HAUS3: variants seen among roughly 807,000 people sequenced by gnomAD.
The protein encoded by HAUS3 is HAUS augmin-like complex subunit 3.
In HAUS3, 36 loss-of-function variants were observed where a neutral mutation model predicts 55.2. That is an observed-to-expected ratio of 0.65 (90% CI 0.50 to 0.86). The LOEUF (loss-of-function observed/expected upper bound fraction) is 0.86, where lower values mean the gene tolerates loss of function less well. HAUS3 is among the 40% of genes least tolerant of loss of function. The pLI is 0.00. For synonymous variants in HAUS3, 234 were observed against 238.6 expected (o/e 0.98, Z 0.18); for missense variants, 752 against 671.5 (o/e 1.12, Z -1.33).
chr4:2,229,213 A>G lies in HAUS3; in HGVS notation c.*2714T>C. ...GTATTACAGAGATCAAAGCCTACCA[A>G]TGCCTCATAATTTTCCATTTTCACA... On this transcript the variant is annotated 3_prime_UTR_variant, in exon 6 of 6. Coordinates refer to ENST00000443786, the MANE Select transcript of HAUS3 (RefSeq NM_001303143.2). 6.3e-7 allele frequency: 1 copy of G among 1,598,714 alleles called. No individual in the cohort carries two copies. Among genetic ancestry groups the G allele is most frequent in the Non-Finnish European group, 8.5e-7 (1 of 1,173,986 alleles).
chr4:2,236,606 C>T lies in HAUS3; in HGVS notation c.1350-150G>A. 4.8e-6 allele frequency: 3 copies of T among 624,128 alleles called. No homozygotes were observed. In the South Asian group the frequency reaches 6.0e-5, roughly 13 times the overall value. The allele number at this position is 624,128 out of a possible 1,614,324, so 38.7% of individuals were successfully genotyped here. On this transcript the variant is annotated intron_variant, in intron 4 of 5. Transcript: ENST00000443786. ...GGGTACAGTAGCTCACGCCTGTAATCCTAGCACTTTGGGAGGCCAAGGCGG... is the reference window on the plus strand; with the variant it reads ...GGGTACAGTAGCTCACGCCTGTAATTCTAGCACTTTGGGAGGCCAAGGCGG...
chr4:2,235,921 T>C (rs1198048774), intron 5 of HAUS3, among the ~76,000 whole-genome samples: 3 of 152,332 alleles, frequency 2.0e-5, no homozygotes, highest in African/African-American at 7.2e-5. Context: ...GGCAATCCTG[T>C]GTTTGCTAAG....
rs770377779 is a variant in HAUS3, at chr4:2,232,163, A to G, written c.1579-3T>C. The stretch of plus-strand genomic sequence containing the variant: ...TTATGAAACTGCTCTGTTAACTCCT[A>G]AAAAAGGAAAATAAAAATAAAAATT... On this transcript the variant is annotated splice_region_variant and splice_polypyrimidine_tract_variant and intron_variant, in intron 5 of 5. Coordinates refer to ENST00000443786, the MANE Select transcript of HAUS3 (RefSeq NM_001303143.2). 7.5e-7 allele frequency: 1 copy of G among 1,332,258 alleles called. No homozygotes were observed. The highest frequency in any genetic ancestry group is 2.5e-5 in the East Asian group (1 of 40,222). 82.5% of individuals were successfully genotyped at this position (1,332,258 alleles called of 1,614,324 possible).
Position 2,236,229 on chromosome 4 carries a change from T to G in HAUS3, c.1577A>C (p.Gln526Pro). ...QGGNQLLLSD[Q>P]ELTEQFHKVE... ...TTAACTACTATGGCAAATACCCACC[T>G]GATCACTAAGCAAAAGCTGATTTCC... The change falls in exon 5 of 6, where the codon CAG becomes CCG. Residue 526 changes from glutamine to proline, a missense_variant and splice_region_variant. Gln to Pro is a moderately conservative substitution (Grantham distance 76). Coordinates refer to ENST00000443786, the MANE Select transcript of HAUS3 (RefSeq NM_001303143.2). 6.3e-7 allele frequency: 1 copy of G among 1,590,960 alleles called. No individual in the cohort carries two copies. The highest frequency in any genetic ancestry group is 8.6e-7 in the Non-Finnish European group (1 of 1,160,406).
intron 2 of HAUS3, 91 bp downstream of exon 2, chr4:2,241,429 G>T: frequency 1.1e-6 from 1 of 888,994 alleles, no homozygotes; most frequent in Non-Finnish European, 1.3e-6. Flanking sequence ...CAAGCCACCA[G>T]GAGGCTAGGC....
In HAUS3 at chr4:2,240,719, T is replaced by G. The variant is rs764722155; in HGVS notation, c.228A>C (p.Ala76=). The change falls in exon 3 of 6, where the codon GCA becomes GCC. Residue 76 remains alanine (A), a synonymous_variant. Transcript: ENST00000443786. ...KSGKPILEGA[A]LDEALKTCKT... ...TACACGTTTTAAGAGCTTCATCCAA[T>G]GCCGCCCCTTCTAGAATAGGCTTGC... 7 of 1,614,094 alleles carry G rather than the reference T, an allele frequency of 4.3e-6. No individual in the cohort carries two copies. Among genetic ancestry groups the G allele is most frequent in the Non-Finnish European group, 5.1e-6 (6 of 1,180,008 alleles).
At chr4:2,233,425 A>C (rs59900510) in intron 5 of HAUS3, among the ~76,000 whole-genome samples, 1 of 145,954 alleles carries the variant, frequency 6.9e-6, no homozygotes, top group African/African-American at 2.7e-5. Context: ...TATTTTAGTG[A>C]TTCTTGGATG....
chr4:2,234,600 G>A (rs1350599625), intron 5 of HAUS3: 2 of 152,222 alleles, frequency 1.3e-5, no homozygotes, highest in African/African-American at 4.8e-5. Flanking sequence ...CCGTGAATCA[G>A]GACTTAACTA....
intron 4 of HAUS3, 107 bp downstream of exon 4, chr4:2,238,497 A>T: frequency 1.6e-6 from 1 of 628,762 alleles, no homozygotes. Context: ...CCAAAAGTGA[A>T]ATGCAAAGAA....
chr4:2,241,399 T>C, intron 2 of HAUS3, 121 bp downstream of exon 2: 1 of 631,592 alleles, frequency 1.6e-6, no homozygotes, highest in Non-Finnish European at 2.0e-6. Context: ...TAATTCAAAA[T>C]AAATGGATCC....
chr4:2,241,513 T>G lies in HAUS3; in HGVS notation c.-148+7A>C. 1.0e-6 allele frequency: 1 copy of G among 985,632 alleles called. No individual in the cohort carries two copies. Among genetic ancestry groups the G allele is most frequent in the Non-Finnish European group, 1.2e-6 (1 of 830,100 alleles). The allele number at this position is 985,632 out of a possible 1,614,324, so 61.1% of individuals were successfully genotyped here. ...GCACATCTTCTGAAGATCAACTAAA[T>G]ATTTACCTCAACGTCTCGCCGGGCA... On this transcript the variant is annotated splice_region_variant and intron_variant, in intron 2 of 5. Transcript: ENST00000443786.
In HAUS3 at chr4:2,238,595, C is replaced by G. The variant is rs771370844; in HGVS notation, c.1349+9G>C. On this transcript the variant is annotated intron_variant, in intron 4 of 5. Transcript: ENST00000443786. Reference sequence around the variant, plus strand: ...AATATTTACTAAAGAAACAATGAAGCATACGTACCTATGAGTAGAATAATC... The same window carrying G: ...AATATTTACTAAAGAAACAATGAAGGATACGTACCTATGAGTAGAATAATC... 2.7e-6 allele frequency: 4 copies of G among 1,507,426 alleles called. No individual in the cohort carries two copies. In the East Asian group the frequency reaches 6.9e-5, roughly 26 times the overall value. The allele number at this position is 1,507,426 out of a possible 1,614,324, so 93.4% of individuals were successfully genotyped here.
chr4:2,241,164 A>C, intron 2 of HAUS3, 71 bp from the exon 3 acceptor site: 1 of 469,312 alleles, frequency 2.1e-6, no homozygotes, highest in Non-Finnish European at 3.7e-6. Flanking sequence ...GACACAGACA[A>C]ATATCACATG....
chr4:2,235,137 G>C (rs1734716094), intron 5 of HAUS3, among the ~76,000 whole-genome samples: 2 of 152,220 alleles, frequency 1.3e-5, no homozygotes, highest in African/African-American at 4.8e-5. Flanking sequence ...ACCCGCCTCA[G>C]CCTCCCAAAG....
Position 2,241,275 on chromosome 4 carries a change from C to T in HAUS3, c.-147-182G>A, listed in dbSNP as rs183088418. Among the ~76,000 whole-genome samples the T allele has an allele frequency of 2.5e-3, 378 of 152,284 alleles. 1 individual carries two copies. Among genetic ancestry groups the T allele is most frequent in the Non-Finnish European group, 3.1e-3 (208 of 68,022 alleles). On this transcript the variant is annotated intron_variant, in intron 2 of 5. Coordinates refer to ENST00000443786, the MANE Select transcript of HAUS3 (RefSeq NM_001303143.2). ...TAGGCTAGTTCTCAGAAAACCGCAA[C>T]AGTAACGAAAAGTAATTAACAAGAA...
Position 2,238,750 on chromosome 4 carries a change from T to C in HAUS3, c.1203A>G (p.Ile401Met), listed in dbSNP as rs767067523. ...GAACCAAATTTTCAAGTTGACGATA[T>C]ATGTCCCGATGCTTTCTTAATTCAA... ...YEIELRKHRD[I>M]YRQLENLVQE... Residue 401 changes from isoleucine (I) to methionine (M), a missense_variant, in exon 4 of 6, where the codon ATA (isoleucine) becomes ATG (methionine). Transcript: ENST00000443786. 1 of 1,613,838 alleles carries C rather than the reference T, an allele frequency of 6.2e-7. No homozygotes were observed. Among genetic ancestry groups the C allele is most frequent in the Non-Finnish European group, 8.5e-7 (1 of 1,179,842 alleles).
At position 2,232,405 on chromosome 4, in the gene HAUS3, G is replaced by A. The variant is rs371425773; in HGVS notation, c.1579-245C>T. On this transcript the variant is annotated intron_variant, in intron 5 of 5. Transcript: ENST00000443786. Reference sequence around the variant, plus strand: ...AGGAAACTCTTGCTGAAGTGTACTCGATATGTAAGCTGTTCTGTGCATTCA... The same window carrying A: ...AGGAAACTCTTGCTGAAGTGTACTCAATATGTAAGCTGTTCTGTGCATTCA... Among the ~76,000 whole-genome samples, 13 of 152,282 alleles carry A rather than the reference G, an allele frequency of 8.5e-5. No homozygotes were observed. In the South Asian group the frequency reaches 2.7e-3, roughly 32 times the overall value.
chr4:2,238,836 C>T lies in HAUS3; in HGVS notation c.1117G>A (p.Val373Ile), dbSNP rs1207049211. The change falls in exon 4 of 6, where the codon GTT (valine) becomes ATT (isoleucine). Residue 373 changes from valine (V) to isoleucine (I), a missense_variant. Transcript: ENST00000443786. ...TTTTGTTTTATTAATTGATTTAAAA[C>T]TAACTCTTGTCTTGCTGTATAATAA... Reference protein sequence around the residue: ...QDYYTARQELVLNQLIKQKAS... With the variant: ...QDYYTARQELILNQLIKQKAS... 1 of 1,613,212 alleles carries T rather than the reference C, an allele frequency of 6.2e-7. No homozygotes were observed. The highest frequency in any genetic ancestry group is 2.2e-5 in the East Asian group (1 of 44,792).
chr4:2,240,061 TCTC>T lies in HAUS3; in HGVS notation c.883_885del (p.Glu295del). 6.2e-7 allele frequency: 1 copy of T among 1,613,524 alleles called. No individual in the cohort carries two copies. The highest frequency in any genetic ancestry group is 1.3e-5 in the African/African-American group (1 of 75,024). ...ACCTTGCTGGTTAGGCTGTGAAGAC[TCTC>T]CTCTGCCCATTTTATACTTGACTTC... On this transcript the variant is annotated inframe_deletion, in exon 3 of 6. Coordinates refer to ENST00000443786, the MANE Select transcript of HAUS3 (RefSeq NM_001303143.2).
Sources: gnomAD v4.1 joint callset for allele counts (sites outside exome capture counted in the v4.1 genomes callset) on GRCh38, gnomAD v4.1.1 for gene constraint, MANE v1.5 for transcripts, NCBI Gene and HGNC (gene_info 2026-07-23, HGNC 2026-07-21) for gene names.